PPM1L: variants seen among roughly 807,000 people sequenced by gnomAD.
The protein encoded by PPM1L is protein phosphatase, Mg2+/Mn2+ dependent 1L.
A neutral mutation model predicts 31.4 loss-of-function variants in PPM1L; 13 were observed. That is an observed-to-expected ratio of 0.41 (90% confidence interval 0.27 to 0.66). PPM1L has a LOEUF of 0.66. Among genes scored for constraint, PPM1L ranks in the 30% least tolerant of loss-of-function variants. The pLI is 0.29. For missense variants in PPM1L, 326 were observed against 453.7 expected (o/e 0.72, Z 2.56); for synonymous variants, 184 against 175.4 (o/e 1.05, Z -0.39).
At chr3:160,798,396 T>G (rs535584707) in intron 1 of PPM1L, among the ~76,000 whole-genome samples, 21 of 152,296 alleles carry the variant, frequency 1.4e-4, no homozygotes, top group Non-Finnish European at 2.8e-4. Context: ...GCTGACTCTC[T>G]TGTTAAGAGA....
chr3:160,764,417 T>C (rs1444603628), intron 1 of PPM1L, among the ~76,000 whole-genome samples: 2 of 152,176 alleles, frequency 1.3e-5, no homozygotes, highest in Non-Finnish European at 1.5e-5. Context: ...GTCATTTTGC[T>C]CTATAATGCT....
chr3:161,026,783 T>G (rs898677), intron 2 of PPM1L, among the ~76,000 whole-genome samples: 54,571 of 151,732 alleles, frequency 0.36, 10,330 homozygotes, highest in East Asian at 0.64. Context: ...AAACTGGTTT[T>G]TAATGGCCAG....
At chr3:160,897,041 T>C (rs1007358075) in intron 1 of PPM1L, among the ~76,000 whole-genome samples, 1 of 127,724 alleles carries the variant, frequency 7.8e-6, no homozygotes, top group Non-Finnish European at 1.7e-5. Flanking sequence ...GACTACTGAC[T>C]CTTTTTTTTT....
intron 1 of PPM1L, among the ~76,000 whole-genome samples, chr3:160,877,799 C>A (rs1302958345): frequency 6.6e-6 from 1 of 152,158 alleles, no homozygotes; most frequent in Non-Finnish European, 1.5e-5. Flanking sequence ...GGCCACCCCA[C>A]CCTAATCTTC....
At chr3:160,806,380 T>G (rs1189953188) in intron 1 of PPM1L, among the ~76,000 whole-genome samples, 3 of 152,148 alleles carry the variant, frequency 2.0e-5, no homozygotes, top group Non-Finnish European at 4.4e-5. Context: ...GCACCCTTCA[T>G]TGCTCTGTAC....
chr3:160,993,013 G>A (rs1717186103), intron 2 of PPM1L, among the ~76,000 whole-genome samples: 1 of 151,726 alleles, frequency 6.6e-6, no homozygotes, highest in Admixed American at 6.6e-5. Flanking sequence ...CTAGGCCGTT[G>A]AATCCCTAAC....
intron 1 of PPM1L, among the ~76,000 whole-genome samples, chr3:160,900,614 G>T (rs535572247): frequency 2.0e-4 from 30 of 151,658 alleles, no homozygotes; most frequent in African/African-American, 6.8e-4. Flanking sequence ...ATCTATATAG[G>T]TGTACTTTAC....
At chr3:161,014,065 G>A (rs937231871) in intron 2 of PPM1L, among the ~76,000 whole-genome samples, 2 of 152,144 alleles carry the variant, frequency 1.3e-5, no homozygotes, top group Non-Finnish European at 2.9e-5. Context: ...TCCTGTCATT[G>A]TGATGTTAGC....
In PPM1L at chr3:160,961,794, A is replaced by C; in HGVS notation, c.458A>C (p.Asp153Ala). The C allele has an allele frequency of 6.2e-7, 1 of 1,604,720 alleles. No homozygotes were observed. The highest frequency in any genetic ancestry group is 8.5e-7 in the Non-Finnish European group (1 of 1,176,192). The change falls in exon 2 of 4, where the codon GAC (aspartate) becomes GCC (alanine). Residue 153 changes from aspartate (D) to alanine (A), a missense_variant. Transcript: ENST00000498165. ...GAGGCCCTTAAACAGCATCTTCAGG[A>C]CTACGAGAAAGACAAAGAAAATAGT... Reference protein sequence around the residue: ...LPEALKQHLQDYEKDKENSVL... With the variant: ...LPEALKQHLQAYEKDKENSVL...
chr3:160,930,504 G>T (rs1159242539), intron 1 of PPM1L, among the ~76,000 whole-genome samples: 1 of 152,168 alleles, frequency 6.6e-6, no homozygotes, highest in Non-Finnish European at 1.5e-5. Context: ...ATAATACACA[G>T]CTTCCAATTT....
intron 2 of PPM1L, among the ~76,000 whole-genome samples, chr3:161,045,337 C>T (rs895554900): frequency 2.6e-5 from 4 of 152,172 alleles, no homozygotes; most frequent in African/African-American, 7.2e-5. Flanking sequence ...AGCACCACAT[C>T]GCACTTATTC....
At chr3:160,793,815 A>G (rs867441676) in intron 1 of PPM1L, among the ~76,000 whole-genome samples, 21 of 152,194 alleles carry the variant, frequency 1.4e-4, no homozygotes, top group African/African-American at 5.1e-4. Flanking sequence ...GTTCTCCTCT[A>G]GGTTATCAAT....
At chr3:160,864,000 C>T (rs1334114863) in intron 1 of PPM1L, among the ~76,000 whole-genome samples, 1 of 152,104 alleles carries the variant, frequency 6.6e-6, no homozygotes, top group Non-Finnish European at 1.5e-5. Context: ...CTGATTTTAG[C>T]AGTGCCTGAA....
At chr3:160,927,431 AC>A (rs1483587106) in intron 1 of PPM1L, among the ~76,000 whole-genome samples, 1 of 152,130 alleles carries the variant, frequency 6.6e-6, no homozygotes, top group East Asian at 1.9e-4. Flanking sequence ...CTAAAAAAAA[AC>A]CCTACATAGC....
chr3:161,033,339 G>A (rs903833038), intron 2 of PPM1L, among the ~76,000 whole-genome samples: 2 of 152,020 alleles, frequency 1.3e-5, no homozygotes, highest in African/African-American at 4.8e-5. Context: ...AGAAAAAACT[G>A]CTTTAAATTT....
intron 1 of PPM1L, 30 bp from the exon 2 acceptor site, chr3:160,961,706 G>A: frequency 6.4e-7 from 1 of 1,551,998 alleles, no homozygotes; most frequent in Non-Finnish European, 8.6e-7. Flanking sequence ...TTCTAATGGA[G>A]TTCTCTCTCT....
At chr3:160,788,555 T>A (rs939097128) in intron 1 of PPM1L, among the ~76,000 whole-genome samples, 2 of 38,126 alleles carry the variant, frequency 5.2e-5, no homozygotes, top group African/African-American at 1.3e-3. Context: ...GATTTATGGA[T>A]TTTTTTTGTA....
chr3:160,992,786 A>C (rs901830131), intron 2 of PPM1L, among the ~76,000 whole-genome samples: 5 of 152,170 alleles, frequency 3.3e-5, no homozygotes, highest in African/African-American at 1.2e-4. Context: ...TCTTCTACAA[A>C]CCAAGAACTG....
intron 2 of PPM1L, among the ~76,000 whole-genome samples, chr3:161,034,883 A>C (rs1469892114): frequency 6.6e-6 from 1 of 151,802 alleles, no homozygotes; most frequent in Non-Finnish European, 1.5e-5. Context: ...GCACATATAC[A>C]CCATGGAATA....
Sources: gnomAD v4.1 joint callset for allele counts (sites outside exome capture counted in the v4.1 genomes callset) on GRCh38, gnomAD v4.1.1 for gene constraint, MANE v1.5 for transcripts, NCBI Gene and HGNC (gene_info 2026-07-23, HGNC 2026-07-21) for gene names.